The following ATRNL1 variants were observed in gnomAD, a reference collection of about 807,000 sequenced individuals.
The protein encoded by ATRNL1 is attractin-like protein 1.
In ATRNL1, 95 loss-of-function variants were observed where a neutral mutation model predicts 182.7. That is an observed-to-expected ratio of 0.52 (90% CI 0.44 to 0.62). The LOEUF (loss-of-function observed/expected upper bound fraction) is 0.62. ATRNL1 is among the 20% of genes least tolerant of loss of function. ATRNL1 has a pLI of 0.00. For synonymous variants in ATRNL1, 576 were observed against 568.3 expected, an observed-to-expected ratio of 1.01 and a Z score of -0.19; for missense variants, 1,471 against 1,679.5, an observed-to-expected ratio of 0.88 and a Z score of 2.17.
chr10:115,230,431 A>G (rs1554899686), intron 9 of ATRNL1, among the ~76,000 whole-genome samples: 1 of 152,164 alleles, frequency 6.6e-6, no homozygotes, highest in Admixed American at 6.6e-5. Flanking sequence ...AGCTAGTGCA[A>G]AAGCCTTGAG....
chr10:115,182,044 T>C (rs1847768694), intron 8 of ATRNL1, among the ~76,000 whole-genome samples: 1 of 151,660 alleles, frequency 6.6e-6, no homozygotes, highest in Non-Finnish European at 1.5e-5. Flanking sequence ...ATGAATTTTT[T>C]CAAACTCTTA....
chr10:115,286,637 A>G (rs75584922), intron 15 of ATRNL1, among the ~76,000 whole-genome samples: 2,238 of 152,096 alleles, frequency 0.015, 49 homozygotes, highest in African/African-American at 0.05. Flanking sequence ...GTGATCTTAT[A>G]TGAATAGATA....
intron 24 of ATRNL1, among the ~76,000 whole-genome samples, chr10:115,480,756 G>A (rs1272451583): frequency 1.3e-5 from 2 of 150,972 alleles, no homozygotes; most frequent in Non-Finnish European, 1.5e-5. Context: ...TGAAACCAGA[G>A]ACCATATTGC....
intron 26 of ATRNL1, among the ~76,000 whole-genome samples, chr10:115,651,659 C>G (rs1860011821): frequency 1.3e-5 from 2 of 152,116 alleles, no homozygotes; most frequent in Non-Finnish European, 2.9e-5. Context: ...ATTCGTGAAA[C>G]TAATACAGCT....
chr10:115,246,064 C>A (rs1220176691), intron 10 of ATRNL1, among the ~76,000 whole-genome samples: 1 of 152,030 alleles, frequency 6.6e-6, no homozygotes, highest in Admixed American at 6.6e-5. Context: ...GAAAAAATAA[C>A]CTTTTATTTT....
chr10:115,834,694 A>C (rs1950630164), intron 27 of ATRNL1, among the ~76,000 whole-genome samples: 1 of 152,150 alleles, frequency 6.6e-6, no homozygotes, highest in Admixed American at 6.5e-5. Flanking sequence ...CTCCAATGGG[A>C]TGTCTACGTG....
intron 26 of ATRNL1, among the ~76,000 whole-genome samples, chr10:115,595,721 T>C (rs1856196775): frequency 6.6e-6 from 1 of 152,178 alleles, no homozygotes; most frequent in South Asian, 2.1e-4. Context: ...CTCAGTTTTT[T>C]ATATTTATGA....
At chr10:115,398,659 A>G (rs1844406561) in intron 20 of ATRNL1, among the ~76,000 whole-genome samples, 1 of 152,072 alleles carries the variant, frequency 6.6e-6, no homozygotes, top group Admixed American at 6.6e-5. Context: ...AAGCAGGGAT[A>G]GTTTGACTTC....
At chr10:115,425,192 A>ATT (rs1351287617) in intron 20 of ATRNL1, among the ~76,000 whole-genome samples, 4 of 151,862 alleles carry the variant, frequency 2.6e-5, no homozygotes, top group Non-Finnish European at 5.9e-5. Flanking sequence ...TTGACTCTTC[A>ATT]TTATATATAT....
intron 26 of ATRNL1, among the ~76,000 whole-genome samples, chr10:115,603,921 A>G (rs1229605462): frequency 6.6e-6 from 1 of 152,138 alleles, no homozygotes; most frequent in Non-Finnish European, 1.5e-5. Context: ...TACTGATTAT[A>G]GAATTCTAGG....
At chr10:115,194,515 CT>C (rs753751047) in intron 8 of ATRNL1, among the ~76,000 whole-genome samples, 4 of 150,222 alleles carry the variant, frequency 2.7e-5, no homozygotes, top group African/African-American at 4.9e-5. Flanking sequence ...CTCCTTCTTG[CT>C]TTTTTTTTGT....
chr10:115,554,127 G>T (rs1853172556), intron 26 of ATRNL1, among the ~76,000 whole-genome samples: 1 of 151,430 alleles, frequency 6.6e-6, no homozygotes, highest in African/African-American at 2.4e-5. Context: ...TATAGATAAA[G>T]CTTTCCATTA....
At chr10:115,926,502 G>T (rs1160669774) in intron 28 of ATRNL1, among the ~76,000 whole-genome samples, 4 of 151,842 alleles carry the variant, frequency 2.6e-5, no homozygotes, top group Non-Finnish European at 5.9e-5. Context: ...TAACAAAATA[G>T]ATAGACCATA....
In ATRNL1 at chr10:115,300,127, C is replaced by T; in HGVS notation, c.2509C>T (p.Leu837Phe). The change falls in exon 16 of 29, where the codon CTT (leucine) becomes TTT (phenylalanine). Residue 837 changes from leucine (L) to phenylalanine (F), a missense_variant. Physicochemically the swap from Leu to Phe is conservative, Grantham distance 22 (BLOSUM62 0). This residue lies in a region of ATRNL1 where 1,031 missense variants were observed against 1,156.0 expected (regional missense o/e 0.89). Coordinates refer to ENST00000355044, the MANE Select transcript of ATRNL1 (RefSeq NM_207303.4). ...TTTTACAAACACAACACTACAGTGGCTTCCTGGCGAACCCAATGATTCTGG... is the reference window on the plus strand; with the variant it reads ...TTTTACAAACACAACACTACAGTGGTTTCCTGGCGAACCCAATGATTCTGG... ...SPFTNTTLQW[L>F]PGEPNDSGFC... 1 of 1,614,052 alleles carries T rather than the reference C, an allele frequency of 6.2e-7. No individual in the cohort carries two copies. The highest frequency in any genetic ancestry group is 8.5e-7 in the Non-Finnish European group (1 of 1,179,912).
At chr10:115,357,721 G>C (rs1180814906) in intron 19 of ATRNL1, among the ~76,000 whole-genome samples, 34 of 151,134 alleles carry the variant, frequency 2.2e-4, no homozygotes, top group African/African-American at 7.5e-4. Context: ...TATGTTTTTA[G>C]GCTTTAAAGG....
chr10:115,868,695 T>C (rs1174529016), intron 28 of ATRNL1, among the ~76,000 whole-genome samples: 1 of 152,012 alleles, frequency 6.6e-6, no homozygotes, highest in Non-Finnish European at 1.5e-5. Context: ...GTCTCCTAAC[T>C]CCCAGGCCAA....
intron 28 of ATRNL1, among the ~76,000 whole-genome samples, chr10:115,929,678 C>T (rs1313826216): frequency 2.0e-5 from 3 of 151,904 alleles, no homozygotes; most frequent in Non-Finnish European, 4.4e-5. Context: ...ATTTTTGCAC[C>T]CACTTTTTAG....
At chr10:115,690,995 T>C (rs7077305) in intron 26 of ATRNL1, among the ~76,000 whole-genome samples, 53,399 of 152,016 alleles carry the variant, frequency 0.35, 10,924 homozygotes, top group East Asian at 0.65. Flanking sequence ...CTGAGCTGGC[T>C]GCTGGGTACC....
chr10:115,762,108 C>A (rs530733771), intron 27 of ATRNL1, among the ~76,000 whole-genome samples: 7 of 152,162 alleles, frequency 4.6e-5, no homozygotes, highest in Non-Finnish European at 8.8e-5. Flanking sequence ...ATGTATGACA[C>A]CTCACACATG....
Sources: gnomAD v4.1 joint callset for allele counts (sites outside exome capture counted in the v4.1 genomes callset) on GRCh38, gnomAD v4.1.1 for gene constraint, gnomAD v4.1.1 regional missense constraint, MANE v1.5 for transcripts, NCBI Gene and HGNC (gene_info 2026-07-23, HGNC 2026-07-21) for gene names.